Variants in ATXN1 observed in about 807,000 individuals in gnomAD.
ATXN1 encodes the protein ataxin 1, also known as ataxin-1.
In ATXN1, 8 loss-of-function variants were observed where a neutral mutation model predicts 56.4. The observed-to-expected ratio is 0.14, with a 90% CI of 0.08 to 0.26. The LOEUF (loss-of-function observed/expected upper bound fraction) is 0.26, where lower values mean the gene tolerates loss of function less well. Among genes scored for constraint, ATXN1 ranks in the 10% least tolerant of loss-of-function variants. The pLI is 1.00. For missense variants in ATXN1, 987 were observed against 1,106.5 expected, an observed-to-expected ratio of 0.89 and a Z score of 1.53; for synonymous variants, 514 against 494.6, an observed-to-expected ratio of 1.04 and a Z score of -0.52.
intron 3 of ATXN1, among the ~76,000 whole-genome samples, chr6:16,624,411 A>G (rs973750012): frequency 2.6e-5 from 4 of 152,108 alleles, no homozygotes; most frequent in African/African-American, 9.7e-5. Context: ...TTGTACAACA[A>G]TGTGAATTCA....
intron 4 of ATXN1, among the ~76,000 whole-genome samples, chr6:16,525,794 C>A (rs886084118): frequency 1.3e-5 from 2 of 150,478 alleles, no homozygotes; most frequent in Non-Finnish European, 1.5e-5. Flanking sequence ...CACCTATGTA[C>A]CCACAAAAAA....
intron 2 of ATXN1, among the ~76,000 whole-genome samples, chr6:16,731,509 G>A (rs1029088483): frequency 1.1e-5 from 1 of 94,114 alleles, no homozygotes. Flanking sequence ...CATTCCTCTT[G>A]CTTTCAGGAG....
intron 6 of ATXN1, among the ~76,000 whole-genome samples, chr6:16,423,840 T>C (rs1759085349): frequency 6.6e-6 from 1 of 152,236 alleles, no homozygotes; most frequent in Non-Finnish European, 1.5e-5. Flanking sequence ...CTGATTATTC[T>C]GATCACAAAC....
chr6:16,541,595 A>T (rs1257530200), intron 4 of ATXN1, among the ~76,000 whole-genome samples: 1 of 152,164 alleles, frequency 6.6e-6, no homozygotes, highest in Non-Finnish European at 1.5e-5. Context: ...GAAATCTGGG[A>T]TTCTTCCAGG....
At chr6:16,722,066 T>C (rs1008426914) in intron 2 of ATXN1, among the ~76,000 whole-genome samples, 10 of 152,202 alleles carry the variant, frequency 6.6e-5, no homozygotes, top group African/African-American at 2.4e-4. Flanking sequence ...ACTGCAAAGA[T>C]TCGTTCTTCT....
intron 5 of ATXN1, among the ~76,000 whole-genome samples, chr6:16,502,842 A>G (rs2056043493): frequency 6.6e-6 from 1 of 152,232 alleles, no homozygotes; most frequent in African/African-American, 2.4e-5. Flanking sequence ...CCCTTATGAC[A>G]GTAGTATAAT....
chr6:16,668,407 G>A (rs1250732759), intron 2 of ATXN1, among the ~76,000 whole-genome samples: 1 of 138,314 alleles, frequency 7.2e-6, no homozygotes, highest in Non-Finnish European at 1.5e-5. Flanking sequence ...ATGGAACACA[G>A]GCATGTTTTT....
chr6:16,482,379 G>A (rs1203288453), intron 6 of ATXN1, among the ~76,000 whole-genome samples: 1 of 152,202 alleles, frequency 6.6e-6, no homozygotes, highest in Non-Finnish European at 1.5e-5. Context: ...TGAGGAGACT[G>A]ATGATTAACA....
intron 4 of ATXN1, among the ~76,000 whole-genome samples, chr6:16,566,651 A>G (rs377009771): frequency 1.3e-5 from 2 of 152,096 alleles, no homozygotes; most frequent in Non-Finnish European, 2.9e-5. Flanking sequence ...CAGGAGATCA[A>G]GACCATCCTG....
chr6:16,672,146 G>C (rs960737655), intron 2 of ATXN1, among the ~76,000 whole-genome samples: 1 of 152,106 alleles, frequency 6.6e-6, no homozygotes, highest in Non-Finnish European at 1.5e-5. Context: ...TCAAGTCCTA[G>C]GGCCTCTGGT....
intron 6 of ATXN1, among the ~76,000 whole-genome samples, chr6:16,381,017 C>T (rs1018030399): frequency 3.3e-5 from 5 of 152,158 alleles, no homozygotes; most frequent in Admixed American, 6.5e-5. Flanking sequence ...GTGGGCTGGG[C>T]GCGGTGGCTC....
At position 16,732,688 on chromosome 6, in the gene ATXN1, GC is replaced by G. The variant is rs1760077924; in HGVS notation, c.-615+20544del. Among the ~76,000 whole-genome samples the G allele has an allele frequency of 6.6e-5, 10 of 152,308 alleles. No individual in the cohort carries two copies. The South Asian group carries it at 1.9e-3, about 28-fold the overall frequency. On this transcript the variant is annotated intron_variant, in intron 2 of 7. Transcript: ENST00000436367. ...GCACACTGTATTTACACATACAAAT[GC>G]ATGCAGCACTTGAAAAATATTAAGC... is the stretch of plus-strand genomic sequence containing the variant.
Position 16,328,600 on chromosome 6 carries a change from T to G in ATXN1, c.-160-130A>C, listed in dbSNP as rs1760905172. ...GCAAGATTAAGACTAGGCCCTGGAC[T>G]CGGTGTGAACTCCCATAACCCAATC... On this transcript the variant is annotated intron_variant, in intron 6 of 7. Coordinates refer to ENST00000436367, the MANE Select transcript of ATXN1 (RefSeq NM_001128164.2). The surrounding 1 kb of genome is among the most constrained non-coding windows in gnomAD (Gnocchi z 6.2). 3.1e-6 allele frequency: 1 copy of G among 322,278 alleles called. No individual in the cohort carries two copies. The highest frequency in any genetic ancestry group is 5.4e-6 in the Non-Finnish European group (1 of 185,638). 20.0% of individuals were successfully genotyped at this position (322,278 alleles called of 1,614,324 possible). A position where few individuals can be genotyped will look rare whatever the true frequency, so the allele number is the denominator to read the frequency against.
chr6:16,498,096 T>A (rs140595822), intron 5 of ATXN1, among the ~76,000 whole-genome samples: 309 of 152,266 alleles, frequency 2.0e-3, no homozygotes, highest in Middle Eastern at 0.01. Flanking sequence ...ACTATCTAAT[T>A]CCAGAAGATT....
intron 3 of ATXN1, among the ~76,000 whole-genome samples, chr6:16,596,045 G>A (rs549729287): frequency 2.6e-5 from 4 of 152,252 alleles, no homozygotes; most frequent in Middle Eastern, 6.8e-3. Flanking sequence ...TGTCACCCAG[G>A]CTGTGCAATG....
chr6:16,678,191 T>A (rs1581356977), intron 2 of ATXN1, among the ~76,000 whole-genome samples: 1 of 152,248 alleles, frequency 6.6e-6, no homozygotes, highest in Admixed American at 6.5e-5. Flanking sequence ...CCAATGCCAA[T>A]GTTTAAGTTA....
At chr6:16,310,056 TAGAG>T (rs1760354811) in intron 7 of ATXN1, among the ~76,000 whole-genome samples, 1 of 142,062 alleles carries the variant, frequency 7.0e-6, no homozygotes, top group Non-Finnish European at 1.5e-5. Context: ...TGGGCGACAA[TAGAG>T]AAACTCCATT....
At chr6:16,605,361 G>C (rs193046876) in intron 3 of ATXN1, among the ~76,000 whole-genome samples, 1 of 152,316 alleles carries the variant, frequency 6.6e-6, no homozygotes, top group African/African-American at 2.4e-5. Context: ...GAGGCTTAAA[G>C]AGGGTATGAC....
At chr6:16,660,691 A>G (rs1758299213) in intron 2 of ATXN1, among the ~76,000 whole-genome samples, 1 of 152,184 alleles carries the variant, frequency 6.6e-6, no homozygotes, top group Admixed American at 6.5e-5. Context: ...AACAAACACA[A>G]CTATCTTATA....
Sources: allele counts gnomAD v4.1 joint callset (sites outside exome capture counted in the v4.1 genomes callset), GRCh38; gene constraint gnomAD v4.1.1; non-coding constraint Gnocchi (gnomAD v3.1); transcripts MANE v1.5; gene names NCBI Gene and HGNC (gene_info 2026-07-23, HGNC 2026-07-21).